The following CATSPER3 variants were observed in gnomAD, a reference collection of about 807,000 sequenced individuals.
CATSPER3 encodes the protein cation channel sperm associated 3.
Under a neutral mutation model 36.6 loss-of-function variants are expected in CATSPER3, and 23 were observed. That is an observed-to-expected ratio of 0.63 (90% CI 0.45 to 0.89). The LOEUF (loss-of-function observed/expected upper bound fraction) is 0.89. CATSPER3 is among the 40% of genes least tolerant of loss of function. CATSPER3 has a pLI of 0.00. For synonymous variants in CATSPER3, 172 were observed against 184.1 expected, an observed-to-expected ratio of 0.93 and a Z score of 0.53; for missense variants, 474 against 503.9, an observed-to-expected ratio of 0.94 and a Z score of 0.57.
intron 2 of CATSPER3, among the ~76,000 whole-genome samples, chr5:134,972,966 A>G (rs751523775): frequency 1.3e-5 from 2 of 152,250 alleles, no homozygotes; most frequent in Non-Finnish European, 2.9e-5. Context: ...ATGTTATGCC[A>G]AAAGAAAATA....
intron 2 of CATSPER3, among the ~76,000 whole-genome samples, chr5:134,992,386 A>G (rs1464846450): frequency 6.6e-6 from 1 of 152,122 alleles, no homozygotes; most frequent in Non-Finnish European, 1.5e-5. Context: ...GAAAACCACA[A>G]TGAGATACAA....
At chr5:135,000,869 C>A (rs1292709538) in intron 3 of CATSPER3, among the ~76,000 whole-genome samples, 1 of 152,108 alleles carries the variant, frequency 6.6e-6, no homozygotes, top group Non-Finnish European at 1.5e-5. Flanking sequence ...TTCAAAAAAC[C>A]AGCTCCTGGA....
rs556612860 is a variant in CATSPER3 at position 134,972,634 on chromosome 5, C to T, written c.252+2542C>T. 4.0e-5 allele frequency among the ~76,000 whole-genome samples: 6 copies of T among 151,840 alleles called. No homozygotes were observed. The East Asian group carries it at 7.7e-4, about 20-fold the overall frequency. ...GGTTTCAAGAGAAAATGATGAACAT[C>T]GAAGATGGGGAAAAAAAAATCCAGT... is the stretch of plus-strand genomic sequence containing the variant. On this transcript the variant is annotated intron_variant, in intron 2 of 7. Transcript: ENST00000282611.
At chr5:134,979,229 T>A (rs889715547) in intron 2 of CATSPER3, among the ~76,000 whole-genome samples, 1 of 151,810 alleles carries the variant, frequency 6.6e-6, no homozygotes, top group African/African-American at 2.4e-5. Flanking sequence ...CTCAGCTGCT[T>A]GGGCTCAAGC....
intron 6 of CATSPER3, among the ~76,000 whole-genome samples, chr5:135,009,994 G>A (rs867805892): frequency 6.6e-6 from 1 of 152,220 alleles, no homozygotes; most frequent in South Asian, 2.1e-4. Context: ...CCCTGAGCCT[G>A]AGTGCTCTAA....
chr5:134,977,557 A>T (rs975552346), intron 2 of CATSPER3, among the ~76,000 whole-genome samples: 5 of 152,156 alleles, frequency 3.3e-5, no homozygotes, highest in African/African-American at 1.2e-4. Context: ...GGTCACAACC[A>T]TTTAACCAGT....
intron 2 of CATSPER3, among the ~76,000 whole-genome samples, chr5:134,992,146 A>G (rs1751885949): frequency 6.6e-6 from 1 of 152,088 alleles, no homozygotes; most frequent in South Asian, 2.1e-4. Context: ...GTGAAAAGAC[A>G]ATCCATAGAA....
chr5:134,993,979 G>A (rs975138158), intron 2 of CATSPER3, among the ~76,000 whole-genome samples: 1 of 152,158 alleles, frequency 6.6e-6, no homozygotes, highest in South Asian at 2.1e-4. Flanking sequence ...ACAAAAATTA[G>A]CCAGGCGTGG....
chr5:134,970,344 A>G (rs1292280905), intron 2 of CATSPER3, among the ~76,000 whole-genome samples: 1 of 152,000 alleles, frequency 6.6e-6, no homozygotes, highest in Non-Finnish European at 1.5e-5. Context: ...TATTTTTAGT[A>G]GAGACGGGGT....
At chr5:134,991,660 C>G (rs995515003) in intron 2 of CATSPER3, among the ~76,000 whole-genome samples, 1 of 152,156 alleles carries the variant, frequency 6.6e-6, no homozygotes, top group African/African-American at 2.4e-5. Flanking sequence ...AATGAATCAA[C>G]AACCTAAATA....
In CATSPER3 at chr5:134,996,262, T is replaced by A; in HGVS notation, c.253-11T>A. 1.2e-6 allele frequency: 2 copies of A among 1,614,222 alleles called. No individual in the cohort carries two copies. The highest frequency in any genetic ancestry group is 2.2e-5 in the South Asian group (2 of 91,084). On this transcript the variant is annotated splice_polypyrimidine_tract_variant and intron_variant, in intron 2 of 7. Coordinates refer to ENST00000282611, the MANE Select transcript of CATSPER3 (RefSeq NM_178019.3). ...TCGATCTGACTTCTCCAACCCTTGC[T>A]ACCCCTGTAGTTCTCGGAGATCTTC... is the stretch of plus-strand genomic sequence containing the variant.
chr5:134,973,191 A>G (rs538121624), intron 2 of CATSPER3, among the ~76,000 whole-genome samples: 2 of 152,232 alleles, frequency 1.3e-5, no homozygotes, highest in Non-Finnish European at 2.9e-5. Flanking sequence ...AGGACTGAAG[A>G]TGAGCATTAA....
chr5:134,981,541 GA>G (rs2149547369), intron 2 of CATSPER3, among the ~76,000 whole-genome samples: 2 of 152,190 alleles, frequency 1.3e-5, no homozygotes, highest in East Asian at 3.9e-4. Flanking sequence ...AGAAAGTGAA[GA>G]AATAGAGACT....
chr5:135,008,057 T>C lies in CATSPER3; in HGVS notation c.593T>C (p.Leu198Pro). 6.2e-7 allele frequency: 1 copy of C among 1,614,184 alleles called. No individual in the cohort carries two copies. The highest frequency in any genetic ancestry group is 8.5e-7 in the Non-Finnish European group (1 of 1,179,996). ...MYIFAILGFC[L>P]FGSPDNGDHD... ...ATCTTCGCTATCTTGGGCTTCTGCC[T>C]GTTTGGATCTCCAGACAATGGTGAC... Residue 198 changes from leucine (L) to proline (P), a missense_variant, in exon 4 of 8, where the codon CTG becomes CCG. Transcript: ENST00000282611.
rs748714097 is a variant in CATSPER3, at chr5:134,996,522, C to T, written c.492+10C>T. 9 of 1,613,434 alleles carry T rather than the reference C, an allele frequency of 5.6e-6. No individual in the cohort carries two copies. Among genetic ancestry groups the T allele is most frequent in the Non-Finnish European group, 6.8e-6 (8 of 1,179,860 alleles). On this transcript the variant is annotated intron_variant, in intron 3 of 7. Transcript: ENST00000282611. ...TAGCCAGGGCATCCGGGTGAGTGCA[C>T]TGGGGGTGTCATGGTGCTGGGAGGG...
In CATSPER3 at chr5:135,011,651, A is replaced by G; in HGVS notation, c.*28A>G. Reference sequence around the variant, plus strand: ...GGGCATGGGGCACCCATGTGCCGAGAGCCTTGCAGACCATGACAGGTCCCT... The same window carrying G: ...GGGCATGGGGCACCCATGTGCCGAGGGCCTTGCAGACCATGACAGGTCCCT... On this transcript the variant is annotated 3_prime_UTR_variant, in exon 8 of 8. Coordinates refer to ENST00000282611, the MANE Select transcript of CATSPER3 (RefSeq NM_178019.3). 6.7e-7 allele frequency: 1 copy of G among 1,495,006 alleles called. No individual in the cohort carries two copies. Among genetic ancestry groups the G allele is most frequent in the Non-Finnish European group, 9.3e-7 (1 of 1,074,110 alleles). The allele number at this position is 1,495,006 out of a possible 1,614,324, so 92.6% of individuals were successfully genotyped here.
intron 2 of CATSPER3, among the ~76,000 whole-genome samples, chr5:134,985,262 G>T (rs1434700321): frequency 1.3e-5 from 2 of 152,178 alleles, no homozygotes; most frequent in Admixed American, 1.3e-4. Flanking sequence ...AAGAACAAAA[G>T]AATGTCTTTT....
chr5:134,987,684 A>G lies in CATSPER3; in HGVS notation c.253-8589A>G, dbSNP rs189525779. Among the ~76,000 whole-genome samples, 789 of 152,328 alleles carry G rather than the reference A, an allele frequency of 5.2e-3. 6 individuals are homozygous for G. The highest frequency in any genetic ancestry group is 0.018 in the African/African-American group (754 of 41,586). On this transcript the variant is annotated intron_variant, in intron 2 of 7. Transcript: ENST00000282611. The stretch of plus-strand genomic sequence containing the variant: ...CAAAAATCAATCAATGTAATACACC[A>G]GTAGAGTGAAGGAAAAAAATTCACC...
intron 2 of CATSPER3, among the ~76,000 whole-genome samples, chr5:134,992,818 G>A (rs1751894586): frequency 6.6e-6 from 1 of 152,160 alleles, no homozygotes; most frequent in Admixed American, 6.5e-5. Context: ...GTGTAACAAT[G>A]GTACAACTAC....
Sources: allele counts gnomAD v4.1 joint callset (sites outside exome capture counted in the v4.1 genomes callset), GRCh38; gene constraint gnomAD v4.1.1; transcripts MANE v1.5; gene names NCBI Gene and HGNC (gene_info 2026-07-23, HGNC 2026-07-21).